The following GRIN2A variants were observed in gnomAD, a reference collection of about 807,000 sequenced individuals.
GRIN2A encodes glutamate ionotropic receptor NMDA type subunit 2A.
GRIN2A carries 22 observed loss-of-function variants against 113.4 expected under a neutral mutation model. That is an observed-to-expected ratio of 0.19 (90% CI 0.14 to 0.28). The LOEUF is 0.28. Ranked by LOEUF, GRIN2A falls within the 10% of genes least tolerant of loss-of-function variation. GRIN2A has a pLI of 1.00. For missense variants in GRIN2A, 1,502 were observed against 1,887.0 expected (o/e 0.80, Z 3.78); for synonymous variants, 827 against 738.4 (o/e 1.12, Z -1.94).
rs919186497 is a variant in GRIN2A at position 9,758,492 on chromosome 16, A to C, written c.*4657T>G. ...TCTCTACAGAAATATCCTCCCATAA[A>C]AATAACCAGAATGGGTTTTCCATGT... On this transcript the variant is annotated 3_prime_UTR_variant, in exon 13 of 13. Coordinates refer to ENST00000330684, the MANE Select transcript of GRIN2A (RefSeq NM_001134407.3). The C allele has an allele frequency of 9.3e-6, 2 of 215,852 alleles. No individual in the cohort carries two copies. Among genetic ancestry groups the C allele is most frequent in the African/African-American group, 4.5e-5 (2 of 44,362 alleles). The allele number at this position is 215,852 out of a possible 1,614,324, so 13.4% of individuals were successfully genotyped here. A position where few individuals can be genotyped will look rare whatever the true frequency, so the allele number is the denominator to read the frequency against.
chr16:9,833,756 G>T (rs923002892), intron 8 of GRIN2A, among the ~76,000 whole-genome samples: 1 of 152,196 alleles, frequency 6.6e-6, no homozygotes, highest in Non-Finnish European at 1.5e-5. Flanking sequence ...GTCTCGCTCT[G>T]TCCCTCAGGC....
chr16:10,127,560 C>A lies in GRIN2A; in HGVS notation c.414+52438G>T, dbSNP rs1030721902. Among the ~76,000 whole-genome samples the A allele has an allele frequency of 3.3e-5, 5 of 152,210 alleles. No individual in the cohort carries two copies. The East Asian group carries it at 7.7e-4, about 23-fold the overall frequency. ...GAGCCTTTAGTATCATTTCTAGCAT[C>A]ATGGTATATTTATATATAAGAATAA... is the stretch of plus-strand genomic sequence containing the variant. On this transcript the variant is annotated intron_variant, in intron 2 of 12. Transcript: ENST00000330684.
intron 2 of GRIN2A, among the ~76,000 whole-genome samples, chr16:9,976,761 G>A (rs868008730): frequency 2.6e-5 from 4 of 152,152 alleles, no homozygotes; most frequent in Middle Eastern, 3.2e-3. Context: ...AATGATGCAT[G>A]TCCTCTGAAG....
intron 8 of GRIN2A, among the ~76,000 whole-genome samples, chr16:9,832,132 T>G (rs1393843954): frequency 1.3e-5 from 2 of 150,078 alleles, no homozygotes; most frequent in Non-Finnish European, 1.5e-5. Context: ...ATTTATTTAT[T>G]TATTGTAGAG....
intron 4 of GRIN2A, among the ~76,000 whole-genome samples, chr16:9,856,785 G>GTAAT (rs1369920112): frequency 3.5e-4 from 53 of 152,096 alleles, no homozygotes; most frequent in Admixed American, 8.5e-4. Flanking sequence ...ACTGAGGCAT[G>GTAAT]GGGTTTAAGT....
At position 9,758,541 on chromosome 16, in the gene GRIN2A, A is replaced by C. The variant is rs1042102467; in HGVS notation, c.*4608T>G. 4.7e-6 allele frequency: 1 copy of C among 210,974 alleles called. No homozygotes were observed. The highest frequency in any genetic ancestry group is 2.3e-5 in the African/African-American group (1 of 44,068). The allele number at this position is 210,974 out of a possible 1,614,324, so 13.1% of individuals were successfully genotyped here. On this transcript the variant is annotated 3_prime_UTR_variant, in exon 13 of 13. Coordinates refer to ENST00000330684, the MANE Select transcript of GRIN2A (RefSeq NM_001134407.3). ...GTGTTAATACCATCATCACCATTTAATTTTTAACATAAACTTTACAATATG... is the reference window on the plus strand; with the variant it reads ...GTGTTAATACCATCATCACCATTTACTTTTTAACATAAACTTTACAATATG...
chr16:10,090,651 C>T (rs1012434811), intron 2 of GRIN2A, among the ~76,000 whole-genome samples: 1 of 151,934 alleles, frequency 6.6e-6, no homozygotes, highest in Non-Finnish European at 1.5e-5. Context: ...CAAAACCATT[C>T]ATTATTCTTT....
intron 2 of GRIN2A, among the ~76,000 whole-genome samples, chr16:9,960,283 T>C (rs563975148): frequency 2.0e-5 from 3 of 152,366 alleles, no homozygotes; most frequent in South Asian, 2.1e-4. Context: ...AAAAGTTGGA[T>C]ATAATTTTGC....
At chr16:9,998,206 A>G (rs1331638766) in intron 2 of GRIN2A, among the ~76,000 whole-genome samples, 1 of 152,144 alleles carries the variant, frequency 6.6e-6, no homozygotes, top group Non-Finnish European at 1.5e-5. Context: ...TGGGTTAGCC[A>G]TGGCACTGCG....
intron 4 of GRIN2A, among the ~76,000 whole-genome samples, chr16:9,885,897 T>C (rs904987381): frequency 7.9e-5 from 12 of 152,366 alleles, no homozygotes; most frequent in East Asian, 1.9e-4. Flanking sequence ...TCAGCAGCAA[T>C]TCCCAAAGCT....
At chr16:10,138,293 C>T (rs1396098121) in intron 2 of GRIN2A, among the ~76,000 whole-genome samples, 3 of 152,120 alleles carry the variant, frequency 2.0e-5, no homozygotes, top group African/African-American at 2.4e-5. Context: ...TTCATTTTCA[C>T]AATGTAAAGA....
intron 5 of GRIN2A, among the ~76,000 whole-genome samples, chr16:9,845,629 C>G (rs186611137): frequency 1.3e-5 from 2 of 152,178 alleles, no homozygotes; most frequent in Non-Finnish European, 2.9e-5. Context: ...GGTTTCATTC[C>G]GTTTCCCAAA....
chr16:9,875,748 A>G (rs147606178), intron 4 of GRIN2A, among the ~76,000 whole-genome samples: 235 of 152,304 alleles, frequency 1.5e-3, no homozygotes, highest in African/African-American at 5.6e-3. Context: ...CAGTTACTAG[A>G]ATGGATAAGA....
chr16:9,988,336 C>A (rs1391733397), intron 2 of GRIN2A, among the ~76,000 whole-genome samples: 1 of 151,718 alleles, frequency 6.6e-6, no homozygotes, highest in East Asian at 1.9e-4. Flanking sequence ...TACAAACACA[C>A]ATTTTTAAAT....
At chr16:9,821,392 T>C (rs2042282197) in intron 10 of GRIN2A, among the ~76,000 whole-genome samples, 1 of 152,058 alleles carries the variant, frequency 6.6e-6, no homozygotes, top group South Asian at 2.1e-4. Context: ...CAAGACTTTC[T>C]CCCAGAGAGT....
Position 10,078,569 on chromosome 16 carries a change from TG to T in GRIN2A, c.414+101428del, listed in dbSNP as rs750622632. On this transcript the variant is annotated intron_variant, in intron 2 of 12. Coordinates refer to ENST00000330684, the MANE Select transcript of GRIN2A (RefSeq NM_001134407.3). ...GAGCACCTGGCAGGCCCCCAGCCCC[TG>T]GGGGCAGGAGAAGCCAGGCCACGTA... 3.4e-4 allele frequency among the ~76,000 whole-genome samples: 52 copies of T among 152,180 alleles called. 1 individual carries two copies. The East Asian group carries it at 8.5e-3, about 25-fold the overall frequency.
intron 2 of GRIN2A, among the ~76,000 whole-genome samples, chr16:10,045,256 A>G (rs184916000): frequency 3.3e-4 from 51 of 152,294 alleles, no homozygotes; most frequent in Non-Finnish European, 6.6e-4. Context: ...GCCAAGCACT[A>G]TTGTTAATAA....
chr16:9,893,512 G>C (rs1302560792), intron 3 of GRIN2A, among the ~76,000 whole-genome samples: 2 of 152,216 alleles, frequency 1.3e-5, no homozygotes, highest in Middle Eastern at 3.4e-3. Flanking sequence ...TGTAGCCCAG[G>C]CTGTAGTGCA....
At chr16:9,842,972 G>GAAGA (rs753343405) in intron 5 of GRIN2A, among the ~76,000 whole-genome samples, 119 of 91,840 alleles carry the variant, frequency 1.3e-3, no homozygotes, top group South Asian at 2.1e-3. Flanking sequence ...AGAGAGAGAG[G>GAAGA]AAGAAAGAAA....
Sources: gnomAD v4.1 joint callset for allele counts (sites outside exome capture counted in the v4.1 genomes callset) on GRCh38, gnomAD v4.1.1 for gene constraint, MANE v1.5 for transcripts, NCBI Gene and HGNC (gene_info 2026-07-23, HGNC 2026-07-21) for gene names.